Variants in AKAP14 observed in about 807,000 individuals in gnomAD.
The protein encoded by AKAP14 is A-kinase anchor protein 14.
A neutral mutation model predicts 17.0 loss-of-function variants in AKAP14; 4 were observed. That is an observed-to-expected ratio of 0.23 (90% CI 0.12 to 0.54). The LOEUF is 0.54. Ranked by LOEUF, AKAP14 falls within the 20% of genes least tolerant of loss-of-function variation. AKAP14 has a pLI of 0.95. For missense variants in AKAP14, 129 were observed against 150.9 expected, an observed-to-expected ratio of 0.85 and a Z score of 0.76; for synonymous variants, 42 against 51.3, an observed-to-expected ratio of 0.82 and a Z score of 0.77.
intron 4 of AKAP14, among the ~76,000 whole-genome samples, chrX:119,904,718 A>G (rs141538810): frequency 0.011 from 1,275 of 111,227 alleles, 23 homozygotes; most frequent in African/African-American, 0.037. Context: ...CCCCGTCTCT[A>G]TTAAAAATAC....
intron 2 of AKAP14, among the ~76,000 whole-genome samples, chrX:119,901,400 C>G (rs990466669): frequency 1.8e-5 from 2 of 111,761 alleles, no homozygotes. Context: ...AATGCCTCTA[C>G]TCATTTTAAC....
At position 119,914,755 on chromosome X, in the gene AKAP14, C is replaced by A. The variant is rs750698566; in HGVS notation, c.318C>A (p.Asp106Glu). Residue 106 changes from aspartate to glutamate, a missense_variant, in exon 5 of 7, where the codon GAC becomes GAA. Coordinates refer to ENST00000371431, the MANE Select transcript of AKAP14 (RefSeq NM_178813.6). ...GCGTAGAGTTTGTAGAGAGGAAAGACTTAATTCACAGCTTCCTCTACATCT... is the reference window on the plus strand; with the variant it reads ...GCGTAGAGTTTGTAGAGAGGAAAGAATTAATTCACAGCTTCCTCTACATCT... Reference protein sequence around the residue: ...AHGVEFVERKDLIHSFLYIYY... With the variant: ...AHGVEFVERKELIHSFLYIYY... 150 of 1,208,875 alleles carry A rather than the reference C, an allele frequency of 1.2e-4. No individual in the cohort carries two copies. The Middle Eastern group carries it at 2.5e-3, about 20-fold the overall frequency.
At chrX:119,909,746 G>C (rs191080563) in intron 4 of AKAP14, among the ~76,000 whole-genome samples, 1 of 107,378 alleles carries the variant, frequency 9.3e-6, no homozygotes, top group East Asian at 3.0e-4. Context: ...TTAGCTGGGC[G>C]TGGTGGTGAG....
intron 2 of AKAP14, among the ~76,000 whole-genome samples, chrX:119,901,281 T>C (rs2056563881): frequency 8.9e-6 from 1 of 111,998 alleles, no homozygotes; most frequent in Non-Finnish European, 1.9e-5. Context: ...AGATATATAC[T>C]CCTGGAAAAA....
intron 4 of AKAP14, among the ~76,000 whole-genome samples, chrX:119,906,523 G>A (rs1257351826): frequency 1.0e-5 from 1 of 99,233 alleles, no homozygotes. Flanking sequence ...GTGAGCCATC[G>A]CGCCCGGCCC....
chrX:119,901,091 A>T (rs1257890884), intron 2 of AKAP14, among the ~76,000 whole-genome samples: 3 of 112,069 alleles, frequency 2.7e-5, no homozygotes, highest in African/African-American at 9.7e-5. Flanking sequence ...TCTTACTAGA[A>T]CAGGAACAGA....
intron 5 of AKAP14, among the ~76,000 whole-genome samples, chrX:119,918,854 A>G (rs2056673132): frequency 8.9e-6 from 1 of 112,000 alleles, no homozygotes; most frequent in South Asian, 3.7e-4. Flanking sequence ...CTTTCCCAAA[A>G]GTTATTTGCA....
intron 4 of AKAP14, among the ~76,000 whole-genome samples, chrX:119,909,476 C>G (rs1486856121): frequency 1.9e-5 from 2 of 105,483 alleles, no homozygotes; most frequent in African/African-American, 7.0e-5. Flanking sequence ...TGCAGTGAGC[C>G]GAGAAAACGC....
chrX:119,896,696 G>A (rs1213712891), intron 2 of AKAP14, among the ~76,000 whole-genome samples: 1 of 111,697 alleles, frequency 9.0e-6, no homozygotes, highest in Non-Finnish European at 1.9e-5. Flanking sequence ...CATGTGCTTC[G>A]TGTTGGAGGT....
intron 2 of AKAP14, among the ~76,000 whole-genome samples, 187 bp downstream of exon 2, chrX:119,896,454 GGGGGA>G (rs1174020559): frequency 6.2e-5 from 6 of 96,938 alleles, no homozygotes; most frequent in African/African-American, 2.3e-4. Context: ...GGGAGAGGGA[GGGGGA>G]GGGGAGGGGA....
rs778471151 is a variant in AKAP14 at position 119,918,433 on chromosome X, T to G, written c.442-1478T>G. Among the ~76,000 whole-genome samples, 14 of 111,394 alleles carry G rather than the reference T, an allele frequency of 1.3e-4. No homozygotes were observed. In the East Asian group the frequency reaches 4.0e-3, roughly 32 times the overall value. Reference sequence around the variant, plus strand: ...TTTTAGTAGAGATGGGTTATCACCATGTCGGCCAGGCTGGTCTGGAACTCC... The same window carrying G: ...TTTTAGTAGAGATGGGTTATCACCAGGTCGGCCAGGCTGGTCTGGAACTCC... On this transcript the variant is annotated intron_variant, in intron 5 of 6. Transcript: ENST00000371431.
chrX:119,913,210 G>GCAAA (rs2056638467), intron 4 of AKAP14, among the ~76,000 whole-genome samples: 1 of 111,134 alleles, frequency 9.0e-6, no homozygotes, highest in Non-Finnish European at 1.9e-5. Context: ...CTCCAAGGGT[G>GCAAA]CAAACAAGGA....
chrX:119,901,697 C>T (rs1246849017), intron 2 of AKAP14, among the ~76,000 whole-genome samples: 4 of 93,617 alleles, frequency 4.3e-5, no homozygotes, highest in Admixed American at 2.5e-4. Flanking sequence ...CAGAACGAAA[C>T]TTTGTCTCAA....
intron 2 of AKAP14, among the ~76,000 whole-genome samples, chrX:119,897,451 G>A (rs752089612): frequency 1.6e-4 from 18 of 111,785 alleles, no homozygotes; most frequent in East Asian, 8.5e-4. Context: ...GAGCCACTGC[G>A]CCCGGCCCAA....
chrX:119,902,687 T>C (rs2056573544), intron 2 of AKAP14, among the ~76,000 whole-genome samples: 1 of 111,618 alleles, frequency 9.0e-6, no homozygotes, highest in Non-Finnish European at 1.9e-5. Flanking sequence ...ATGGTGTTTT[T>C]TTTGTTTTTT....
At chrX:119,915,038 C>T (rs1349879314) in intron 5 of AKAP14, among the ~76,000 whole-genome samples, 160 bp downstream of exon 5, 1 of 112,113 alleles carries the variant, frequency 8.9e-6, no homozygotes, top group Non-Finnish European at 1.9e-5. Flanking sequence ...GATCACTCCC[C>T]GCTCCATGAA....
At chrX:119,908,372 C>T (rs996314189) in intron 4 of AKAP14, among the ~76,000 whole-genome samples, 4 of 109,673 alleles carry the variant, frequency 3.6e-5, no homozygotes, top group Non-Finnish European at 7.6e-5. Flanking sequence ...AAAGTTGGTT[C>T]ATTCTCTTCA....
chrX:119,897,304 C>A (rs1460059670), intron 2 of AKAP14, among the ~76,000 whole-genome samples: 1 of 109,522 alleles, frequency 9.1e-6, no homozygotes, highest in Admixed American at 9.9e-5. Context: ...GGACTACAGG[C>A]ACCCGCCACC....
intron 5 of AKAP14, among the ~76,000 whole-genome samples, chrX:119,919,368 G>C (rs1003933269): frequency 1.8e-4 from 20 of 112,241 alleles, no homozygotes; most frequent in Admixed American, 1.1e-3. Flanking sequence ...GCACAAGCCT[G>C]TCCCAAGTTA....
Sources: allele counts gnomAD v4.1 joint callset (sites outside exome capture counted in the v4.1 genomes callset), GRCh38; gene constraint gnomAD v4.1.1; transcripts MANE v1.5; gene names NCBI Gene and HGNC (gene_info 2026-07-23, HGNC 2026-07-21).